Variants in ABCC1 observed in about 807,000 individuals in gnomAD.
The protein encoded by ABCC1 is multidrug resistance-associated protein 1.
Under a neutral mutation model 172.9 loss-of-function variants are expected in ABCC1, and 83 were observed. That is an observed-to-expected ratio of 0.48 (90% CI 0.40 to 0.58). The LOEUF (loss-of-function observed/expected upper bound fraction) is 0.58, where lower values mean the gene tolerates loss of function less well. Among genes scored for constraint, ABCC1 ranks in the 20% least tolerant of loss-of-function variants. ABCC1 has a pLI of 0.00. For synonymous variants in ABCC1, 937 were observed against 825.2 expected (o/e 1.14, Z -2.32); for missense variants, 1,817 against 2,002.7 (o/e 0.91, Z 1.77).
intron 1 of ABCC1, 123 bp downstream of exon 1, chr16:15,949,922 G>C: frequency 2.3e-6 from 2 of 853,004 alleles, no homozygotes; most frequent in South Asian, 5.7e-5. Context: ...TCGGGGGCCC[G>C]GGACCCTCAC....
At chr16:16,087,074 T>C (rs2051038597) in intron 18 of ABCC1, 83 bp downstream of exon 18, 1 of 1,447,724 alleles carries the variant, frequency 6.9e-7, no homozygotes, top group African/African-American at 1.4e-5. Flanking sequence ...AGGAGTCCTT[T>C]ACTTTCTCTG....
intron 16 of ABCC1, among the ~76,000 whole-genome samples, chr16:16,082,968 G>A (rs147040714): frequency 2.2e-4 from 34 of 152,264 alleles, no homozygotes; most frequent in Admixed American, 5.9e-4. Flanking sequence ...CTTAAAAAGT[G>A]TCATATATCT....
intron 18 of ABCC1, among the ~76,000 whole-genome samples, chr16:16,088,271 C>A (rs2051098305): frequency 6.6e-6 from 1 of 151,852 alleles, no homozygotes. Flanking sequence ...ATGGTGAAAC[C>A]CCATCTCTAC....
intron 13 of ABCC1, among the ~76,000 whole-genome samples, chr16:16,069,201 TAA>T (rs765022985): frequency 0.11 from 15,686 of 144,832 alleles, 988 homozygotes; most frequent in East Asian, 0.15. Context: ...AATAAATAAA[TAA>T]ATAAATAAAT....
intron 12 of ABCC1, among the ~76,000 whole-genome samples, chr16:16,067,628 G>T (rs1212473012): frequency 1.3e-5 from 2 of 152,166 alleles, no homozygotes; most frequent in African/African-American, 4.8e-5. Flanking sequence ...ATATGGCAAA[G>T]TGTATGGTTT....
chr16:16,121,215 T>C (rs752939750), intron 23 of ABCC1, among the ~76,000 whole-genome samples: 1 of 152,164 alleles, frequency 6.6e-6, no homozygotes, highest in African/African-American at 2.4e-5. Context: ...CTTAATAATA[T>C]TTTATTTTTG....
intron 7 of ABCC1, among the ~76,000 whole-genome samples, chr16:16,043,243 T>TTTTTTTTTTTTTCC (rs1021835519): frequency 1.1e-4 from 15 of 140,786 alleles, no homozygotes; most frequent in African/African-American, 1.6e-4. Context: ...TTTTTTTTTT[T>TTTTTTTTTTTTTCC]CCACTGATGT....
intron 5 of ABCC1, among the ~76,000 whole-genome samples, chr16:16,024,232 A>G (rs890437767): frequency 2.7e-4 from 41 of 152,180 alleles, no homozygotes; most frequent in African/African-American, 7.9e-4. Flanking sequence ...AGAAAGAAAG[A>G]AAAAAAGAAT....
rs1433460342 is a variant in ABCC1, at chr16:16,016,593, C to T, written c.587C>T (p.Pro196Leu). Reference sequence around the variant, plus strand: ...TTGTCCTGTTTCTCAGATCGCTCACCCCTGTTCTCGGAAACCATCCACGAC... The same window carrying T: ...TTGTCCTGTTTCTCAGATCGCTCACTCCTGTTCTCGGAAACCATCCACGAC... ...LVLSCFSDRS[P>L]LFSETIHDPN... Residue 196 changes from proline (P) to leucine (L), a missense_variant, in exon 5 of 31, where the codon CCC becomes CTC. Transcript: ENST00000399410. 3.7e-6 allele frequency: 6 copies of T among 1,614,060 alleles called. No homozygotes were observed. Among genetic ancestry groups the T allele is most frequent in the Admixed American group, 1.7e-5 (1 of 59,984 alleles).
Position 16,068,210 on chromosome 16 carries a change from G to A in ABCC1, c.1732G>A (p.Asp578Asn). The change falls in exon 13 of 31, where the codon GAT (aspartate) becomes AAT (asparagine). Residue 578 changes from aspartate to asparagine, a missense_variant. Around this residue, in one of 3 missense-constraint regions of ABCC1, gnomAD observed 1,412 missense variants for 1,600.3 expected, o/e 0.88. Coordinates refer to ENST00000399410, the MANE Select transcript of ABCC1 (RefSeq NM_004996.4). The stretch of plus-strand genomic sequence containing the variant: ...GACCATTGACGAGAACAACATCCTG[G>A]ATGCCCAGACAGCCTTCGTGTCTTT... The part of the protein sequence containing the change: ...YVTIDENNIL[D>N]AQTAFVSLAL... 2 of 1,614,162 alleles carry A rather than the reference G, an allele frequency of 1.2e-6. No individual in the cohort carries two copies. Among genetic ancestry groups the A allele is most frequent in the Non-Finnish European group, 1.7e-6 (2 of 1,180,016 alleles).
intron 12 of ABCC1, among the ~76,000 whole-genome samples, chr16:16,056,909 G>A (rs1043602642): frequency 6.6e-6 from 1 of 152,146 alleles, no homozygotes; most frequent in Non-Finnish European, 1.5e-5. Flanking sequence ...GAGCTGAGTC[G>A]AACGGCACGC....
rs2049116563 is a variant in ABCC1, at chr16:16,044,473, C to T, written c.833C>T (p.Ser278Phe). 2 of 1,614,134 alleles carry T rather than the reference C, an allele frequency of 1.2e-6. No individual in the cohort carries two copies. Among genetic ancestry groups the T allele is most frequent in the Non-Finnish European group, 1.7e-6 (2 of 1,180,008 alleles). The change falls in exon 8 of 31, where the codon TCC becomes TTC. Residue 278 changes from serine to phenylalanine, a missense_variant. Coordinates refer to ENST00000399410, the MANE Select transcript of ABCC1 (RefSeq NM_004996.4). ...TRKQPVKVVY[S>F]SKDPAQPKES... ...AGGCAGCCGGTGAAGGTTGTGTACTCCTCCAAGGATCCTGCCCAGCCGAAA... is the reference window on the plus strand; with the variant it reads ...AGGCAGCCGGTGAAGGTTGTGTACTTCTCCAAGGATCCTGCCCAGCCGAAA...
At chr16:16,116,366 C>T (rs554949297) in intron 23 of ABCC1, among the ~76,000 whole-genome samples, 2 of 152,274 alleles carry the variant, frequency 1.3e-5, no homozygotes, top group Admixed American at 1.3e-4. Context: ...CATTCTAAGA[C>T]TCCCCCAATG....
At chr16:16,127,916 G>GTT (rs371440132) in intron 26 of ABCC1, among the ~76,000 whole-genome samples, 3,169 of 128,284 alleles carry the variant, frequency 0.025, 123 homozygotes, top group African/African-American at 0.084. Context: ...ATTTCATTAG[G>GTT]TTTTTTTTTT....
chr16:16,049,363 C>T (rs2049337044), intron 10 of ABCC1, among the ~76,000 whole-genome samples: 1 of 152,228 alleles, frequency 6.6e-6, no homozygotes, highest in Non-Finnish European at 1.5e-5. Flanking sequence ...GCCTGGGTCA[C>T]ATGTCCTCTC....
At chr16:16,086,799 C>G (rs781390956) in intron 17 of ABCC1, 25 bp from the exon 18 acceptor site, 12 of 1,609,868 alleles carry the variant, frequency 7.5e-6, no homozygotes, top group Non-Finnish European at 8.5e-6. Flanking sequence ...CCAGGAAACC[C>G]ACTCCTGTGT....
At chr16:15,981,203 G>C (rs2046612146) in intron 1 of ABCC1, among the ~76,000 whole-genome samples, 1 of 152,222 alleles carries the variant, frequency 6.6e-6, no homozygotes, top group African/African-American at 2.4e-5. Flanking sequence ...GGCTTTTCCA[G>C]GTGCACGGTG....
At chr16:16,020,211 C>T (rs143045924) in intron 5 of ABCC1, among the ~76,000 whole-genome samples, 164 of 152,292 alleles carry the variant, frequency 1.1e-3, no homozygotes, top group African/African-American at 3.7e-3. Context: ...CTTGAGCCAC[C>T]GTGCCCGGCT....
At chr16:16,005,959 A>G (rs1448016241) in intron 1 of ABCC1, among the ~76,000 whole-genome samples, 4 of 151,820 alleles carry the variant, frequency 2.6e-5, no homozygotes, top group Non-Finnish European at 4.4e-5. Context: ...ATGCCACTGC[A>G]TTCCAGTCTG....
Sources: gnomAD v4.1 joint callset for allele counts (sites outside exome capture counted in the v4.1 genomes callset) on GRCh38, gnomAD v4.1.1 for gene constraint, gnomAD v4.1.1 regional missense constraint, MANE v1.5 for transcripts, NCBI Gene and HGNC (gene_info 2026-07-23, HGNC 2026-07-21) for gene names.